PPP2R5E: variants seen among roughly 807,000 people sequenced by gnomAD.
PPP2R5E encodes protein phosphatase 2 regulatory subunit B'epsilon.
In PPP2R5E, 4 loss-of-function variants were observed where a neutral mutation model predicts 65.3. The observed-to-expected ratio is 0.06, with a 90% CI of 0.03 to 0.14. PPP2R5E has a LOEUF of 0.14. Ranked by LOEUF, PPP2R5E falls within the 10% of genes least tolerant of loss-of-function variation. The probability of loss-of-function intolerance (pLI) is 1.00; values close to 1 mark genes in which losing one functional copy is unlikely to be tolerated. For synonymous variants in PPP2R5E, 183 were observed against 187.4 expected (o/e 0.98, Z 0.19); for missense variants, 274 against 556.1 (o/e 0.49, Z 5.10).
intron 2 of PPP2R5E, among the ~76,000 whole-genome samples, chr14:63,455,474 A>T (rs1027662263): frequency 1.3e-5 from 2 of 152,134 alleles, no homozygotes; most frequent in Non-Finnish European, 2.9e-5. Context: ...TTAACCAGTG[A>T]GTTTCCCTTC....
intron 10 of PPP2R5E, among the ~76,000 whole-genome samples, chr14:63,391,254 G>C (rs544945306): frequency 1.3e-5 from 2 of 152,158 alleles, no homozygotes; most frequent in Admixed American, 1.3e-4. Flanking sequence ...TCAAGGAGGC[G>C]AGTTCTGGCC....
At chr14:63,416,061 T>C (rs1187262747) in intron 4 of PPP2R5E, among the ~76,000 whole-genome samples, 1 of 152,244 alleles carries the variant, frequency 6.6e-6, no homozygotes, top group Non-Finnish European at 1.5e-5. Context: ...CAAATAATTG[T>C]TCTGATAAAC....
chr14:63,514,471 A>G (rs200190440), intron 2 of PPP2R5E, among the ~76,000 whole-genome samples: 3 of 136,534 alleles, frequency 2.2e-5, no homozygotes, highest in Middle Eastern at 3.3e-3. Flanking sequence ...TATGTTTATT[A>G]TACTACATTA....
At chr14:63,473,579 A>C (rs1247027740) in intron 2 of PPP2R5E, among the ~76,000 whole-genome samples, 2 of 152,342 alleles carry the variant, frequency 1.3e-5, no homozygotes, top group Middle Eastern at 3.4e-3. Context: ...CGTAATTTTA[A>C]AGAAATGCCT....
chr14:63,540,812 C>A (rs1374448026), intron 1 of PPP2R5E, among the ~76,000 whole-genome samples: 1 of 151,850 alleles, frequency 6.6e-6, no homozygotes, highest in Non-Finnish European at 1.5e-5. Flanking sequence ...TTAAGTATCA[C>A]GGAAACAATA....
intron 3 of PPP2R5E, among the ~76,000 whole-genome samples, chr14:63,447,319 T>C (rs2139453706): frequency 6.6e-6 from 1 of 152,376 alleles, no homozygotes; most frequent in Admixed American, 6.5e-5. Context: ...CTAAGTCTTC[T>C]GGACAACTTG....
intron 2 of PPP2R5E, among the ~76,000 whole-genome samples, chr14:63,485,561 T>C (rs924173514): frequency 1.3e-5 from 2 of 152,034 alleles, no homozygotes; most frequent in Non-Finnish European, 2.9e-5. Context: ...ATTACAGGCA[T>C]GTGCCACCAC....
intron 3 of PPP2R5E, among the ~76,000 whole-genome samples, chr14:63,432,632 A>T (rs930340974): frequency 9.2e-5 from 14 of 152,172 alleles, no homozygotes; most frequent in African/African-American, 2.9e-4. Flanking sequence ...TCATCAGAAG[A>T]CAGAGGTGCC....
chr14:63,532,432 A>C (rs991954004), intron 2 of PPP2R5E, among the ~76,000 whole-genome samples: 13 of 152,230 alleles, frequency 8.5e-5, no homozygotes, highest in Non-Finnish European at 1.5e-4. Context: ...TATTATATTA[A>C]ATTCACCATA....
intron 2 of PPP2R5E, among the ~76,000 whole-genome samples, chr14:63,525,341 G>A (rs1329661525): frequency 1.3e-5 from 2 of 152,132 alleles, no homozygotes; most frequent in Non-Finnish European, 2.9e-5. Context: ...TTCAAATGAT[G>A]CAGATCAAAA....
chr14:63,381,977 A>G (rs1337862460), intron 13 of PPP2R5E, 79 bp downstream of exon 13: 9 of 1,160,342 alleles, frequency 7.8e-6, no homozygotes, highest in Middle Eastern at 3.9e-4. Context: ...TTGGGGTACA[A>G]TTAGGCAACT....
intron 2 of PPP2R5E, among the ~76,000 whole-genome samples, chr14:63,495,991 A>G (rs1891544600): frequency 6.6e-6 from 1 of 152,124 alleles, no homozygotes; most frequent in Middle Eastern, 3.2e-3. Flanking sequence ...ATGCCCAGCC[A>G]AGCATATGGT....
chr14:63,381,061 A>G (rs7143299), intron 13 of PPP2R5E, among the ~76,000 whole-genome samples: 26,355 of 152,092 alleles, frequency 0.17, 3,397 homozygotes, highest in East Asian at 0.48. Flanking sequence ...CTGCTTATGG[A>G]TGATCAAAGC....
chr14:63,533,595 T>G (rs1306753543), intron 2 of PPP2R5E, among the ~76,000 whole-genome samples: 3 of 151,012 alleles, frequency 2.0e-5, no homozygotes, highest in Non-Finnish European at 4.4e-5. Flanking sequence ...TAAAAGTGAA[T>G]GTACAAACTA....
Position 63,389,593 on chromosome 14 carries a change from T to C in PPP2R5E, c.1074+19A>G. The C allele has an allele frequency of 2.5e-6, 4 of 1,591,016 alleles. No individual in the cohort carries two copies. The highest frequency in any genetic ancestry group is 2.3e-4 in the Middle Eastern group (1 of 4,416). On this transcript the variant is annotated intron_variant, in intron 11 of 13. Coordinates refer to ENST00000337537, the MANE Select transcript of PPP2R5E (RefSeq NM_006246.5). ...AAAATAACTCATGCTCCCTGGCTCA[T>C]GTCCTCTTTACTACTAACCTGAAAA...
At chr14:63,431,264 CAAA>C (rs113008212) in intron 3 of PPP2R5E, among the ~76,000 whole-genome samples, 3 of 112,548 alleles carry the variant, frequency 2.7e-5, no homozygotes, top group Admixed American at 9.3e-5. Context: ...TAGACTCTAT[CAAA>C]AAAAAAAAAA....
intron 2 of PPP2R5E, among the ~76,000 whole-genome samples, chr14:63,463,391 G>A (rs909514209): frequency 1.1e-4 from 16 of 150,658 alleles, no homozygotes; most frequent in Admixed American, 9.2e-4. Flanking sequence ...CGCCCACCTC[G>A]GCCTCCCAAA....
intron 2 of PPP2R5E, among the ~76,000 whole-genome samples, chr14:63,494,079 T>TCC (rs1281109043): frequency 6.6e-6 from 1 of 152,060 alleles, no homozygotes; most frequent in Non-Finnish European, 1.5e-5. Flanking sequence ...ATAGACATAC[T>TCC]CCCCTATGTG....
chr14:63,519,994 T>A (rs1892830384), intron 2 of PPP2R5E, among the ~76,000 whole-genome samples: 1 of 150,482 alleles, frequency 6.6e-6, no homozygotes, highest in African/African-American at 2.4e-5. Context: ...TCTTGAGGAT[T>A]TGGCCCCAGA....
Sources: allele counts gnomAD v4.1 joint callset (sites outside exome capture counted in the v4.1 genomes callset), GRCh38; gene constraint gnomAD v4.1.1; transcripts MANE v1.5; gene names NCBI Gene and HGNC (gene_info 2026-07-23, HGNC 2026-07-21).